The following GDF1 variants were observed in gnomAD, a reference collection of about 807,000 sequenced individuals.
The protein encoded by GDF1 is growth differentiation factor 1.
GDF1 carries 8 observed loss-of-function variants against 7.4 expected under a neutral mutation model. The ratio of observed to expected loss-of-function variants is 1.09; its 90% CI spans 0.64 to 1.96. GDF1 has a LOEUF of 1.96. GDF1 is among the 30% of genes most tolerant of loss of function. GDF1 has a pLI of 0.00. For missense variants in GDF1, 574 were observed against 551.5 expected (o/e 1.04, Z -0.41); for synonymous variants, 311 against 276.7 (o/e 1.12, Z -1.23).
rs2056614156 is a variant in GDF1, at chr19:18,895,890, C to T, written c.-1140G>A. 2.4e-5 allele frequency: 31 copies of T among 1,273,184 alleles called. No homozygotes were observed. Among genetic ancestry groups the T allele is most frequent in the Non-Finnish European group, 3.1e-5 (31 of 1,010,454 alleles). The allele number at this position is 1,273,184 out of a possible 1,614,324, so 78.9% of individuals were successfully genotyped here. On this transcript the variant is annotated 5_prime_UTR_variant, in exon 1 of 8. Transcript: ENST00000247005. This position sits in a 1 kb window ranked among gnomAD's most constrained non-coding sequence, Gnocchi z 6.4. Reference sequence around the variant, plus strand: ...AGCCCAGCGCGCCGAGCGCCAGCAGCAGCAGCTCGGGCGGCGCCAGGTGCG... The same window carrying T: ...AGCCCAGCGCGCCGAGCGCCAGCAGTAGCAGCTCGGGCGGCGCCAGGTGCG...
rs2056550951 is a variant in GDF1, at chr19:18,893,592, AGGCG to A, written c.-1073-21_-1073-18del. The A allele has an allele frequency of 6.3e-7, 1 of 1,598,072 alleles. No homozygotes were observed. Among genetic ancestry groups the A allele is most frequent in the Non-Finnish European group, 8.5e-7 (1 of 1,174,062 alleles). On this transcript the variant is annotated intron_variant, in intron 1 of 7. Transcript: ENST00000247005. ...CGCCAGGGGCTATGGGGGAGAAGAC[AGGCG>A]GGCAGCCATTGGTGCTGGGGGCCAG...
chr19:18,892,900 T>A (rs958178409), intron 2 of GDF1, among the ~76,000 whole-genome samples: 3 of 151,966 alleles, frequency 2.0e-5, no homozygotes, highest in Admixed American at 6.6e-5. Context: ...CTGATAAGCA[T>A]CCCCTTACAC....
Position 18,878,857 on chromosome 19 carries a change from G to T in GDF1, c.-313+73C>A. The T allele has an allele frequency of 6.4e-7, 1 of 1,564,024 alleles. No homozygotes were observed. The highest frequency in any genetic ancestry group is 8.7e-7 in the Non-Finnish European group (1 of 1,154,896). On this transcript the variant is annotated intron_variant, in intron 6 of 7. Coordinates refer to ENST00000247005, the MANE Select transcript of GDF1 (RefSeq NM_001492.6). This position sits in a 1 kb window ranked among gnomAD's most constrained non-coding sequence, Gnocchi z 4.6. ...CCTCATCTGCTGCTGGGTCTTGGGG[G>T]CCTGCCCACGAACACGCTTGGACGG...
Position 18,868,864 on chromosome 19 carries a change from C to G in GDF1, c.852G>C (p.Trp284Cys), listed in dbSNP as rs1346134061. ...VSFREVGWHRWVIAPRGFLAN... is the reference protein window; with the variant it reads ...VSFREVGWHRCVIAPRGFLAN... ...CCAGGAAGCCGCGCGGCGCGATGAC[C>G]CAGCGGTGCCAGCCCACCTCGCGGA... The change falls in exon 8 of 8, where the codon TGG becomes TGC. Residue 284 changes from tryptophan (W) to cysteine (C), a missense_variant. Transcript: ENST00000247005. The G allele has an allele frequency of 6.9e-7, 1 of 1,440,848 alleles. No individual in the cohort carries two copies. Among genetic ancestry groups the G allele is most frequent in the African/African-American group, 1.5e-5 (1 of 67,136 alleles). 89.3% of individuals were successfully genotyped at this position (1,440,848 alleles called of 1,614,324 possible). A position where few individuals can be genotyped will look rare whatever the true frequency, so the allele number is the denominator to read the frequency against.
chr19:18,895,602 C>T lies in GDF1; in HGVS notation c.-1074+222G>A, dbSNP rs1237248288. On this transcript the variant is annotated intron_variant, in intron 1 of 7. Transcript: ENST00000247005. The surrounding 1 kb of genome is among the most constrained non-coding windows in gnomAD (Gnocchi z 6.4). ...CCCCCGCATCTACCCGGTTCCCCCA[C>T]GCAGCACTGTCTGAAGGGGGCGCGC... 6.6e-6 allele frequency among the ~76,000 whole-genome samples: 1 copy of T among 151,796 alleles called. No homozygotes were observed. The highest frequency in any genetic ancestry group is 2.4e-5 in the African/African-American group (1 of 41,296).
At position 18,868,945 on chromosome 19, in the gene GDF1, G is replaced by A. The variant is rs1478841372; in HGVS notation, c.771C>T (p.Pro257=). 2.4e-6 allele frequency: 3 copies of A among 1,240,250 alleles called. No homozygotes were observed. The highest frequency in any genetic ancestry group is 3.3e-5 in the African/African-American group (2 of 60,624). 76.8% of individuals were successfully genotyped at this position (1,240,250 alleles called of 1,614,324 possible). ...PLARPRRDAE[P]VLGGGPGGAC... ...CGCCCCCGGGGCCGCCGCCCAACACGGGTTCGGCGTCGCGCCGCGGCCGGG... is the reference window on the plus strand; with the variant it reads ...CGCCCCCGGGGCCGCCGCCCAACACAGGTTCGGCGTCGCGCCGCGGCCGGG... Residue 257 remains proline (P), a synonymous_variant, in exon 8 of 8, where the codon CCC becomes CCT. Transcript: ENST00000247005.
Position 18,868,792 on chromosome 19 carries a change from C to T in GDF1, c.924G>A (p.Gly308=), listed in dbSNP as rs2145984807. The change falls in exon 8 of 8, where the codon GGG becomes GGA. Residue 308 remains glycine, a synonymous_variant. Transcript: ENST00000247005. ...GQCALPVALS[G]SGGPPALNHA... is the part of the protein sequence containing the mutation. ...GGTTGAGCGCCGGCGGCCCCCCGGA[C>T]CCCGACAGCGCGACGGGCAGCGCGC... The T allele has an allele frequency of 6.8e-7, 1 of 1,461,126 alleles. No homozygotes were observed. The allele number at this position is 1,461,126 out of a possible 1,614,324, so 90.5% of individuals were successfully genotyped here.
intron 2 of GDF1, among the ~76,000 whole-genome samples, chr19:18,888,839 AAAC>A (rs1317978443): frequency 1.3e-5 from 2 of 151,584 alleles, no homozygotes; most frequent in East Asian, 3.9e-4. Flanking sequence ...TCAAAAAAAC[AAAC>A]AACAAACAAA....
At chr19:18,891,512 C>A (rs2056490440) in intron 2 of GDF1, among the ~76,000 whole-genome samples, 1 of 152,168 alleles carries the variant, frequency 6.6e-6, no homozygotes, top group African/African-American at 2.4e-5. Context: ...CCCTGCCCAG[C>A]CCACCCGGAG....
chr19:18,895,938 C>A lies in GDF1; in HGVS notation c.-1188G>T. 1 of 1,186,078 alleles carries A rather than the reference C, an allele frequency of 8.4e-7. No homozygotes were observed. The highest frequency in any genetic ancestry group is 2.5e-5 in the South Asian group (1 of 39,556). The allele number at this position is 1,186,078 out of a possible 1,614,324, so 73.5% of individuals were successfully genotyped here. ...GCGCGTGCTCAGCCAGGCCGCGACG[C>A]GCCAGCCCCCAGCCGCAGTCCGTGC... is the stretch of plus-strand genomic sequence containing the variant. On this transcript the variant is annotated 5_prime_UTR_variant, in exon 1 of 8. Coordinates refer to ENST00000247005, the MANE Select transcript of GDF1 (RefSeq NM_001492.6). This position sits in a 1 kb window ranked among gnomAD's most constrained non-coding sequence, Gnocchi z 6.4.
Position 18,895,718 on chromosome 19 carries a change from G to C in GDF1, c.-1074+106C>G, listed in dbSNP as rs1230695342. 1 of 550,760 alleles carries C rather than the reference G, an allele frequency of 1.8e-6. No homozygotes were observed. The highest frequency in any genetic ancestry group is 2.5e-6 in the Non-Finnish European group (1 of 400,944). The allele number at this position is 550,760 out of a possible 1,614,324, so 34.1% of individuals were successfully genotyped here. On this transcript the variant is annotated intron_variant, in intron 1 of 7. Coordinates refer to ENST00000247005, the MANE Select transcript of GDF1 (RefSeq NM_001492.6). The surrounding 1 kb of genome is among the most constrained non-coding windows in gnomAD (Gnocchi z 6.4). Reference sequence around the variant, plus strand: ...CCACGTTCCGGCGACCCCTTCATCCGCAGCAGCCAGCGCTGGAAGAAAGGA... The same window carrying C: ...CCACGTTCCGGCGACCCCTTCATCCCCAGCAGCCAGCGCTGGAAGAAAGGA...
At chr19:18,886,187 C>T (rs1324426334) in intron 2 of GDF1, among the ~76,000 whole-genome samples, 2 of 151,972 alleles carry the variant, frequency 1.3e-5, no homozygotes, top group Non-Finnish European at 2.9e-5. Context: ...AGGAGAGTTG[C>T]TTGAGTCCAG....
chr19:18,890,346 C>A (rs1218512723), intron 2 of GDF1, among the ~76,000 whole-genome samples: 1 of 152,252 alleles, frequency 6.6e-6, no homozygotes, highest in Admixed American at 6.5e-5. Flanking sequence ...CCGTCTGTTG[C>A]CCCTGCCACA....
At position 18,878,692 on chromosome 19, in the gene GDF1, G is replaced by C. The variant is rs1409153579; in HGVS notation, c.-313+238C>G. The C allele has an allele frequency of 8.9e-6, 12 of 1,354,234 alleles. No individual in the cohort carries two copies. Among genetic ancestry groups the C allele is most frequent in the Non-Finnish European group, 1.1e-5 (12 of 1,048,698 alleles). The allele number at this position is 1,354,234 out of a possible 1,614,324, so 83.9% of individuals were successfully genotyped here. On this transcript the variant is annotated intron_variant, in intron 6 of 7. Coordinates refer to ENST00000247005, the MANE Select transcript of GDF1 (RefSeq NM_001492.6). The surrounding 1 kb of genome is among the most constrained non-coding windows in gnomAD (Gnocchi z 4.6). Reference sequence around the variant, plus strand: ...TCAGTGTCCCTACCGCTGAGACCCTGCCTGTCGCCCTGCCTGCCCCTCCCC... The same window carrying C: ...TCAGTGTCCCTACCGCTGAGACCCTCCCTGTCGCCCTGCCTGCCCCTCCCC...
intron 6 of GDF1, among the ~76,000 whole-genome samples, chr19:18,875,208 C>A (rs561917129): frequency 6.8e-6 from 1 of 147,962 alleles, no homozygotes; most frequent in Non-Finnish European, 1.5e-5. Context: ...TGCGCTCCAG[C>A]GTGGGCGACA....
At chr19:18,873,439 G>A (rs2056009582) in intron 6 of GDF1, among the ~76,000 whole-genome samples, 1 of 152,098 alleles carries the variant, frequency 6.6e-6, no homozygotes, top group African/African-American at 2.4e-5. Flanking sequence ...GCTCACGCCT[G>A]TAATCCCAGC....
chr19:18,894,590 C>G (rs1176092904), intron 1 of GDF1, among the ~76,000 whole-genome samples: 2 of 152,102 alleles, frequency 1.3e-5, no homozygotes, highest in Non-Finnish European at 2.9e-5. Flanking sequence ...TGGGGGACGG[C>G]TTGCCCTCCT....
chr19:18,878,636 C>A lies in GDF1; in HGVS notation c.-313+294G>T, dbSNP rs1745592166. On this transcript the variant is annotated intron_variant, in intron 6 of 7. Transcript: ENST00000247005. This position sits in a 1 kb window ranked among gnomAD's most constrained non-coding sequence, Gnocchi z 4.6. ...CCACCCACAGGGCCCTGGCTCGCCA[C>A]TCCCGCCACACCAGCCACTAGGCCT... 25 of 1,224,208 alleles carry A rather than the reference C, an allele frequency of 2.0e-5. No homozygotes were observed. Among genetic ancestry groups the A allele is most frequent in the Non-Finnish European group, 2.4e-5 (23 of 971,404 alleles). 75.8% of individuals were successfully genotyped at this position (1,224,208 alleles called of 1,614,324 possible). A position where few individuals can be genotyped will look rare whatever the true frequency, so the allele number is the denominator to read the frequency against.
chr19:18,878,242 C>T lies in GDF1; in HGVS notation c.-313+688G>A. The T allele has an allele frequency of 2.0e-6, 2 of 985,806 alleles. No homozygotes were observed. Among genetic ancestry groups the T allele is most frequent in the Non-Finnish European group, 2.4e-6 (2 of 830,264 alleles). 61.1% of individuals were successfully genotyped at this position (985,806 alleles called of 1,614,324 possible). ...CTCACGTTGCCTATGAGACACTGCACACCCGACTCTGCTTGTTACCCAGTT... is the reference window on the plus strand; with the variant it reads ...CTCACGTTGCCTATGAGACACTGCATACCCGACTCTGCTTGTTACCCAGTT... On this transcript the variant is annotated intron_variant, in intron 6 of 7. Coordinates refer to ENST00000247005, the MANE Select transcript of GDF1 (RefSeq NM_001492.6). This position sits in a 1 kb window ranked among gnomAD's most constrained non-coding sequence, Gnocchi z 4.6.
Sources: allele counts gnomAD v4.1 joint callset (sites outside exome capture counted in the v4.1 genomes callset), GRCh38; gene constraint gnomAD v4.1.1; non-coding constraint Gnocchi (gnomAD v3.1); transcripts MANE v1.5; gene names NCBI Gene and HGNC (gene_info 2026-07-23, HGNC 2026-07-21).